The following PCP4 variants were observed in gnomAD, a reference collection of about 807,000 sequenced individuals.
PCP4 encodes Purkinje cell protein 4, also known as calmodulin regulator protein PCP4.
PCP4 carries 8 observed loss-of-function variants against 10.0 expected under a neutral mutation model. That is an observed-to-expected ratio of 0.80 (90% CI 0.47 to 1.45). The LOEUF is 1.45. PCP4 is among the 40% of genes most tolerant of loss of function. The pLI, the probability that PCP4 is intolerant of heterozygous loss-of-function variation, is 0.00. For synonymous variants in PCP4, 21 were observed against 23.0 expected, an observed-to-expected ratio of 0.91 and a Z score of 0.24; for missense variants, 54 against 74.4, an observed-to-expected ratio of 0.73 and a Z score of 1.01.
chr21:39,888,187 T>C (rs2087410011), intron 1 of PCP4, among the ~76,000 whole-genome samples: 1 of 152,228 alleles, frequency 6.6e-6, no homozygotes, highest in Non-Finnish European at 1.5e-5. Context: ...CGCTGTTAAG[T>C]AGCACTTGCT....
intron 2 of PCP4, among the ~76,000 whole-genome samples, chr21:39,902,503 A>G (rs1240198889): frequency 6.6e-6 from 1 of 152,196 alleles, no homozygotes; most frequent in African/African-American, 2.4e-5. Context: ...TCTGGGAATG[A>G]AATTTCTCAT....
At chr21:39,916,766 T>C (rs1273253380) in intron 2 of PCP4, among the ~76,000 whole-genome samples, 4 of 152,212 alleles carry the variant, frequency 2.6e-5, no homozygotes, top group African/African-American at 9.7e-5. Flanking sequence ...TATGCAGCTC[T>C]AAAAAAGGAA....
chr21:39,878,701 C>T (rs1020637174), intron 1 of PCP4, among the ~76,000 whole-genome samples: 9 of 152,098 alleles, frequency 5.9e-5, no homozygotes, highest in Non-Finnish European at 1.2e-4. Context: ...CTGTTATTTC[C>T]CTTTGTGAGA....
intron 1 of PCP4, among the ~76,000 whole-genome samples, chr21:39,873,611 G>A (rs932571539): frequency 3.3e-5 from 5 of 152,122 alleles, no homozygotes; most frequent in African/African-American, 1.2e-4. Flanking sequence ...CCCCAGGGAT[G>A]AACTATTTAC....
chr21:39,871,665 A>G (rs1220422011), intron 1 of PCP4, among the ~76,000 whole-genome samples: 2 of 151,138 alleles, frequency 1.3e-5, no homozygotes, highest in Non-Finnish European at 3.0e-5. Flanking sequence ...TCTGGGTTTG[A>G]AGTTCAACTT....
At chr21:39,927,991 A>G (rs189802858) in intron 2 of PCP4, among the ~76,000 whole-genome samples, 131 of 152,308 alleles carry the variant, frequency 8.6e-4, no homozygotes, top group African/African-American at 2.9e-3. Flanking sequence ...GATGCCTTTG[A>G]TGAATCTGAT....
At chr21:39,896,494 A>G (rs1463196442) in intron 1 of PCP4, among the ~76,000 whole-genome samples, 1 of 152,224 alleles carries the variant, frequency 6.6e-6, no homozygotes, top group African/African-American at 2.4e-5. Flanking sequence ...AGACAAAAAG[A>G]AGCAGGCATT....
intron 1 of PCP4, among the ~76,000 whole-genome samples, chr21:39,869,710 C>A (rs1042808150): frequency 6.6e-6 from 1 of 152,222 alleles, no homozygotes; most frequent in African/African-American, 2.4e-5. Context: ...TGCTTAAAAT[C>A]TTTAGTAAAG....
At chr21:39,926,547 T>C (rs150729310) in intron 2 of PCP4, among the ~76,000 whole-genome samples, 1 of 152,312 alleles carries the variant, frequency 6.6e-6, no homozygotes, top group East Asian at 1.9e-4. Context: ...GATGCAAGGA[T>C]TCCTCTGGGA....
chr21:39,904,756 C>T (rs2087498252), intron 2 of PCP4, among the ~76,000 whole-genome samples: 1 of 152,278 alleles, frequency 6.6e-6, no homozygotes, highest in Non-Finnish European at 1.5e-5. Context: ...TTTGCTGTTC[C>T]TGTAGGCCAG....
rs1289736218 is a variant in PCP4 at position 39,897,968 on chromosome 21, C to G, written c.10-508C>G. Among the ~76,000 whole-genome samples the G allele has an allele frequency of 2.7e-5, 4 of 146,854 alleles. No individual in the cohort carries two copies. In the East Asian group the frequency reaches 7.9e-4, roughly 29 times the overall value. On this transcript the variant is annotated intron_variant, in intron 1 of 2. Coordinates refer to ENST00000328619, the MANE Select transcript of PCP4 (RefSeq NM_006198.3). The stretch of plus-strand genomic sequence containing the variant: ...GGCTGAAGCAGGAGAATGGTGTGAA[C>G]CTGGGAGGCGGAGGTTGCAGCGAGC...
At chr21:39,883,023 C>G (rs1321363416) in intron 1 of PCP4, among the ~76,000 whole-genome samples, 1 of 152,226 alleles carries the variant, frequency 6.6e-6, no homozygotes, top group African/African-American at 2.4e-5. Flanking sequence ...AGCAGCTGCT[C>G]TAGCTAGCAT....
At chr21:39,898,590 C>A in intron 2 of PCP4, 63 bp downstream of exon 2, 7 of 1,270,654 alleles carry the variant, frequency 5.5e-6, no homozygotes, top group Non-Finnish European at 8.1e-6. Context: ...GGGTATGCAG[C>A]AGGTGCGGAT....
At chr21:39,927,856 G>A (rs765832875) in intron 2 of PCP4, among the ~76,000 whole-genome samples, 36 of 149,486 alleles carry the variant, frequency 2.4e-4, no homozygotes, top group Non-Finnish European at 4.0e-4. Flanking sequence ...ACAGGGACAC[G>A]GATTTCTCAA....
chr21:39,905,621 G>C (rs904979146), intron 2 of PCP4, among the ~76,000 whole-genome samples: 3 of 152,182 alleles, frequency 2.0e-5, no homozygotes, highest in Non-Finnish European at 4.4e-5. Flanking sequence ...ACTTCATTGA[G>C]CAAGGAACAC....
At chr21:39,924,896 G>T (rs1381082785) in intron 2 of PCP4, among the ~76,000 whole-genome samples, 1 of 152,172 alleles carries the variant, frequency 6.6e-6, no homozygotes, top group Non-Finnish European at 1.5e-5. Flanking sequence ...GCAAGAAGAG[G>T]CTTAGAAACC....
chr21:39,879,085 G>A (rs1005282323), intron 1 of PCP4, among the ~76,000 whole-genome samples: 4 of 151,824 alleles, frequency 2.6e-5, no homozygotes, highest in African/African-American at 9.7e-5. Flanking sequence ...CACCTCCTGG[G>A]TTCAAGTGAT....
rs1243088059 is a variant in PCP4, at chr21:39,908,638, A to G, written c.61+10111A>G. 3.3e-5 allele frequency among the ~76,000 whole-genome samples: 5 copies of G among 152,198 alleles called. No individual in the cohort carries two copies. The East Asian group carries it at 9.7e-4, about 30-fold the overall frequency. ...CCCAGGCTCTGCTCCCACTGAGCAGAGTCTCTGGATGACTCCCCAGCTGCC... is the reference window on the plus strand; with the variant it reads ...CCCAGGCTCTGCTCCCACTGAGCAGGGTCTCTGGATGACTCCCCAGCTGCC... On this transcript the variant is annotated intron_variant, in intron 2 of 2. Transcript: ENST00000328619.
rs369211424 is a variant in PCP4 at position 39,929,011 on chromosome 21, T to C, written c.89T>C (p.Phe30Ser). ...GGACAGAAGAAAGTTCAAGAAGAAT[T>C]TGACATTGACATGGATGCACCAGAG... Reference protein sequence around the residue: ...NDGQKKVQEEFDIDMDAPETE... With the variant: ...NDGQKKVQEESDIDMDAPETE... The change falls in exon 3 of 3, where the codon TTT becomes TCT. Residue 30 changes from phenylalanine to serine, a missense_variant. Coordinates refer to ENST00000328619, the MANE Select transcript of PCP4 (RefSeq NM_006198.3). 1 of 1,612,790 alleles carries C rather than the reference T, an allele frequency of 6.2e-7. No homozygotes were observed. Among genetic ancestry groups the C allele is most frequent in the African/African-American group, 1.3e-5 (1 of 74,770 alleles).
Sources: allele counts gnomAD v4.1 joint callset (sites outside exome capture counted in the v4.1 genomes callset), GRCh38; gene constraint gnomAD v4.1.1; transcripts MANE v1.5; gene names NCBI Gene and HGNC (gene_info 2026-07-23, HGNC 2026-07-21).